The following PCDHGA2 variants were observed in gnomAD, a reference collection of about 807,000 sequenced individuals.
The protein encoded by PCDHGA2 is protocadherin gamma subfamily A, 2.
In PCDHGA2, 40 loss-of-function variants were observed where a neutral mutation model predicts 59.2. The ratio of observed to expected loss-of-function variants is 0.68; its 90% CI spans 0.52 to 0.88. PCDHGA2 has a LOEUF of 0.88. PCDHGA2 is among the 40% of genes least tolerant of loss of function. The probability of loss-of-function intolerance (pLI) is 0.00; values close to 1 mark genes in which losing one functional copy is unlikely to be tolerated. For synonymous variants in PCDHGA2, 560 were observed against 526.0 expected (o/e 1.06, Z -0.89); for missense variants, 1,226 against 1,204.0 (o/e 1.02, Z -0.27).
At chr5:141,394,856 G>A (rs1008039711) in intron 1 of PCDHGA2, 1 of 1,613,792 alleles carries the variant, frequency 6.2e-7, no homozygotes, top group Non-Finnish European at 8.5e-7. Flanking sequence ...TGAAGCCTTC[G>A]GTCGACCCGA....
chr5:141,363,318 A>C (rs1762874223), intron 1 of PCDHGA2, among the ~76,000 whole-genome samples: 1 of 152,190 alleles, frequency 6.6e-6, no homozygotes, highest in Admixed American at 6.5e-5. Flanking sequence ...GTTTTCTATG[A>C]AAGTGTTATT....
chr5:141,509,497 G>A (rs1167178592), intron 3 of PCDHGA2, among the ~76,000 whole-genome samples: 1 of 152,196 alleles, frequency 6.6e-6, no homozygotes, highest in Non-Finnish European at 1.5e-5. Flanking sequence ...TGGCATGCTG[G>A]ATGTGACGGT....
intron 1 of PCDHGA2, among the ~76,000 whole-genome samples, chr5:141,466,800 C>T (rs189985735): frequency 6.6e-6 from 1 of 152,240 alleles, no homozygotes; most frequent in East Asian, 1.9e-4. Context: ...AAACTAGATC[C>T]TATTCAGACA....
intron 1 of PCDHGA2, among the ~76,000 whole-genome samples, chr5:141,358,064 C>T (rs1760807784): frequency 6.6e-6 from 1 of 152,118 alleles, no homozygotes; most frequent in African/African-American, 2.4e-5. Flanking sequence ...GTGGTGTGTG[C>T]CCGTAGTCCC....
chr5:141,467,874 G>T (rs926647135), intron 1 of PCDHGA2, among the ~76,000 whole-genome samples: 1 of 151,920 alleles, frequency 6.6e-6, no homozygotes, highest in Non-Finnish European at 1.5e-5. Context: ...GCCCAGGCTG[G>T]TCTCAAACTC....
chr5:141,432,079 G>A lies in PCDHGA2; in HGVS notation c.2425-62728G>A, dbSNP rs138510025. On this transcript the variant is annotated intron_variant, in intron 1 of 3. Transcript: ENST00000394576. The surrounding 1 kb of genome is among the most constrained non-coding windows in gnomAD (Gnocchi z 6.0). ...TATCCACGGAAACTCATATCTCGCT[G>A]AACGTGGCAGACACCAACGACAACC... 1.6e-4 allele frequency: 252 copies of A among 1,614,054 alleles called. No homozygotes were observed. The highest frequency in any genetic ancestry group is 8.1e-5 in the Non-Finnish European group (96 of 1,180,048).
At chr5:141,455,558 G>A (rs1261373189) in intron 1 of PCDHGA2, among the ~76,000 whole-genome samples, 1 of 152,142 alleles carries the variant, frequency 6.6e-6, no homozygotes, top group East Asian at 1.9e-4. Flanking sequence ...CCGAGAAAAA[G>A]CTGGCCCTCC....
At chr5:141,478,460 C>G (rs759992881) in intron 1 of PCDHGA2, 1 of 1,613,344 alleles carries the variant, frequency 6.2e-7, no homozygotes, top group East Asian at 2.2e-5. Flanking sequence ...AGCCAGTCCA[C>G]TGGCCAGCCG....
chr5:141,511,353 A>C lies in PCDHGA2; in HGVS notation c.*180A>C. ...AGTCAGCACCTACCCCTTCCCCCCC[A>C]GGGGGTTGAATATGCAAAAGCAGTT... On this transcript the variant is annotated 3_prime_UTR_variant, in exon 4 of 4. Transcript: ENST00000394576. 7.3e-7 allele frequency: 1 copy of C among 1,371,054 alleles called. No individual in the cohort carries two copies. Among genetic ancestry groups the C allele is most frequent in the Non-Finnish European group, 9.7e-7 (1 of 1,027,740 alleles). The allele number at this position is 1,371,054 out of a possible 1,614,324, so 84.9% of individuals were successfully genotyped here. A position where few individuals can be genotyped will look rare whatever the true frequency, so the allele number is the denominator to read the frequency against.
At chr5:141,425,640 C>G (rs2096886863) in intron 1 of PCDHGA2, among the ~76,000 whole-genome samples, 1 of 152,206 alleles carries the variant, frequency 6.6e-6, no homozygotes, top group Non-Finnish European at 1.5e-5. Flanking sequence ...TCTGATAAAA[C>G]TAGGAGGAAA....
chr5:141,383,137 C>T, intron 1 of PCDHGA2: 1 of 1,614,112 alleles, frequency 6.2e-7, no homozygotes, highest in Non-Finnish European at 8.5e-7. Context: ...CCTGAACCAG[C>T]GCAGCGGCAG....
At chr5:141,415,740 G>GTTTTTTTTTTTTTTTGT (rs2095912649) in intron 1 of PCDHGA2, 1 of 515,998 alleles carries the variant, frequency 1.9e-6, no homozygotes, top group Non-Finnish European at 2.6e-6. Flanking sequence ...GTTTATTAAG[G>GTTTTTTTTTTTTTTTGT]TTTTTTTTTT....
rs1188426641 is a variant in PCDHGA2, at chr5:141,340,817, C to T, written c.1846C>T (p.Leu616Phe). The change falls in exon 1 of 4, where the codon CTC (leucine) becomes TTC (phenylalanine). Residue 616 changes from leucine to phenylalanine, a missense_variant. Physicochemically the swap from Leu to Phe is conservative, Grantham distance 22. Coordinates refer to ENST00000394576, the MANE Select transcript of PCDHGA2 (RefSeq NM_018915.4). ...CCTGCTCAAGGCCAGCGAGCCGGGA[C>T]TCTTCTCGGTGGGTCTGCACACGGG... ...YHLLKASEPG[L>F]FSVGLHTGEV... 4 of 1,613,914 alleles carry T rather than the reference C, an allele frequency of 2.5e-6. No individual in the cohort carries two copies. The Admixed American group carries it at 5.0e-5, about 20-fold the overall frequency.
chr5:141,349,099 C>G (rs147383043), intron 1 of PCDHGA2, among the ~76,000 whole-genome samples: 1 of 152,110 alleles, frequency 6.6e-6, no homozygotes, highest in Admixed American at 6.5e-5. Context: ...GAGACAGAGT[C>G]TTGCTCTGTC....
At chr5:141,403,452 T>C (rs1482278011) in intron 1 of PCDHGA2, 15 of 1,613,988 alleles carry the variant, frequency 9.3e-6, no homozygotes, top group Non-Finnish European at 1.3e-5. Flanking sequence ...GTGAACTCCC[T>C]CCAGAGCTAC....
rs770264323 is a variant in PCDHGA2, at chr5:141,341,182, C to CCGGT, written c.2211_2212insCGGT (p.Ser738ArgfsTer50). 3 of 1,612,760 alleles carry CCGGT rather than the reference C, an allele frequency of 1.9e-6. No homozygotes were observed. In the South Asian group the frequency reaches 3.3e-5, roughly 18 times the overall value. ...GAGGCAGCTTGACAGGCATGCAGAG[C>CCGGT]TCGCACTTTGTGGGCGTGGACGGGG... On this transcript the variant is annotated frameshift_variant, in exon 1 of 4. Transcript: ENST00000394576. LOFTEE classifies it high-confidence loss of function.
chr5:141,486,030 C>A lies in PCDHGA2; in HGVS notation c.2425-8777C>A. The A allele has an allele frequency of 6.2e-7, 1 of 1,614,164 alleles. No homozygotes were observed. The highest frequency in any genetic ancestry group is 8.5e-7 in the Non-Finnish European group (1 of 1,180,012). ...ACCTTTTATTTCAGTGGTCATACCC[C>A]TGATCGTGTAAGAAACCTCTTTAGC... On this transcript the variant is annotated intron_variant, in intron 1 of 3. Coordinates refer to ENST00000394576, the MANE Select transcript of PCDHGA2 (RefSeq NM_018915.4). The surrounding 1 kb of genome is among the most constrained non-coding windows in gnomAD (Gnocchi z 5.0).
In PCDHGA2 at chr5:141,371,335, G is replaced by T. The variant is rs374653658; in HGVS notation, c.2424+29940G>T. 25 of 1,613,822 alleles carry T rather than the reference G, an allele frequency of 1.5e-5. No individual in the cohort carries two copies. In the African/African-American group the frequency reaches 3.2e-4, roughly 21 times the overall value. The stretch of plus-strand genomic sequence containing the variant: ...GAACTGGACTTTGAAGAGAGAGATA[G>T]CTACACAATTGGGGTGGAAGCAAAG... On this transcript the variant is annotated intron_variant, in intron 1 of 3. Coordinates refer to ENST00000394576, the MANE Select transcript of PCDHGA2 (RefSeq NM_018915.4).
At chr5:141,480,942 G>T (rs2099528600) in intron 1 of PCDHGA2, among the ~76,000 whole-genome samples, 3 of 152,132 alleles carry the variant, frequency 2.0e-5, no homozygotes, top group Non-Finnish European at 2.9e-5. Flanking sequence ...CTACTCTAGA[G>T]GCTGAGGCGG....
Sources: allele counts gnomAD v4.1 joint callset (sites outside exome capture counted in the v4.1 genomes callset), GRCh38; gene constraint gnomAD v4.1.1; non-coding constraint Gnocchi (gnomAD v3.1); transcripts MANE v1.5; gene names NCBI Gene and HGNC (gene_info 2026-07-23, HGNC 2026-07-21).